TMX3: variants seen among roughly 807,000 people sequenced by gnomAD.
The protein encoded by TMX3 is protein disulfide-isomerase TMX3.
Under a neutral mutation model 64.4 loss-of-function variants are expected in TMX3, and 40 were observed. The ratio of observed to expected loss-of-function variants is 0.62; its 90% CI spans 0.48 to 0.81. The LOEUF is 0.81. Ranked by LOEUF, TMX3 falls within the 30% of genes least tolerant of loss-of-function variation. The pLI is 0.00. For missense variants in TMX3, 497 were observed against 534.5 expected (o/e 0.93, Z 0.69); for synonymous variants, 189 against 175.7 (o/e 1.08, Z -0.60).
intron 15 of TMX3, 70 bp from the exon 16 acceptor site, chr18:68,677,263 TG>T: frequency 1.3e-6 from 2 of 1,490,402 alleles, no homozygotes; most frequent in Non-Finnish European, 9.0e-7. Flanking sequence ...GAAATGAACT[TG>T]AAACCACTAT....
intron 9 of TMX3, among the ~76,000 whole-genome samples, chr18:68,689,489 A>G (rs1914301122): frequency 6.7e-6 from 1 of 149,086 alleles, no homozygotes; most frequent in Admixed American, 6.6e-5. Flanking sequence ...CTGAATTTTG[A>G]TATCATTGAT....
intron 6 of TMX3, among the ~76,000 whole-genome samples, chr18:68,699,965 A>G (rs1915505919): frequency 1.3e-5 from 2 of 152,200 alleles, no homozygotes; most frequent in South Asian, 2.1e-4. Context: ...AGCTGTATCT[A>G]AAATACATTT....
chr18:68,680,535 A>G (rs1913317084), intron 14 of TMX3, among the ~76,000 whole-genome samples: 1 of 152,198 alleles, frequency 6.6e-6, no homozygotes, highest in Admixed American at 6.5e-5. Flanking sequence ...TCATTTCTTG[A>G]GAAATTGTCA....
intron 5 of TMX3, chr18:68,701,062 A>G (rs2030012562): frequency 6.2e-6 from 6 of 961,894 alleles, no homozygotes; most frequent in Non-Finnish European, 2.5e-6. Flanking sequence ...GAATACCTAC[A>G]ATTAAACAGA....
chr18:68,680,582 C>T (rs891949982), intron 14 of TMX3, among the ~76,000 whole-genome samples: 6 of 152,094 alleles, frequency 3.9e-5, no homozygotes, highest in Non-Finnish European at 8.8e-5. Flanking sequence ...CCAATCCTAA[C>T]GACTTAATCC....
At chr18:68,708,038 T>C (rs551678062) in intron 4 of TMX3, among the ~76,000 whole-genome samples, 1 of 126,634 alleles carries the variant, frequency 7.9e-6, no homozygotes, top group Non-Finnish European at 1.5e-5. Flanking sequence ...TATATGTGTA[T>C]ATATGTGTAT....
At chr18:68,685,601 A>C (rs542097183) in intron 10 of TMX3, among the ~76,000 whole-genome samples, 1 of 152,328 alleles carries the variant, frequency 6.6e-6, no homozygotes, top group Admixed American at 6.5e-5. Flanking sequence ...ACAGTTTCTC[A>C]CATTTATTAA....
intron 12 of TMX3, among the ~76,000 whole-genome samples, chr18:68,683,218 C>A (rs1913617062): frequency 6.6e-6 from 1 of 152,040 alleles, no homozygotes; most frequent in Admixed American, 6.5e-5. Context: ...AATTCTAAGA[C>A]ATTTCTACTT....
At chr18:68,705,320 AAAAC>A (rs756630946) in intron 4 of TMX3, among the ~76,000 whole-genome samples, 119 of 152,344 alleles carry the variant, frequency 7.8e-4, no homozygotes, top group Non-Finnish European at 1.4e-3. Flanking sequence ...CTCTGCACCA[AAAAC>A]AAACAAACAA....
At chr18:68,694,255 A>G (rs955711765) in intron 8 of TMX3, among the ~76,000 whole-genome samples, 1 of 152,206 alleles carries the variant, frequency 6.6e-6, no homozygotes, top group African/African-American at 2.4e-5. Context: ...GGGCTCCCCA[A>G]GTCAGGGCTG....
rs1443254856 is a variant in TMX3 at position 68,675,793 on chromosome 18, TAGA to T, written c.*1137_*1139del. Reference sequence around the variant, plus strand: ...TGGAAAGAATTCCTGTATTAGTTTATAGAAGATGAGAGGTCACTTGACGAAATG... The same window carrying T: ...TGGAAAGAATTCCTGTATTAGTTTATAGATGAGAGGTCACTTGACGAAATG... On this transcript the variant is annotated 3_prime_UTR_variant, in exon 16 of 16. Coordinates refer to ENST00000299608, the MANE Select transcript of TMX3 (RefSeq NM_019022.5). The T allele has an allele frequency of 6.6e-6, 1 of 152,180 alleles. No individual in the cohort carries two copies. Among genetic ancestry groups the T allele is most frequent in the African/African-American group, 2.4e-5 (1 of 41,454 alleles). 9.4% of individuals were successfully genotyped at this position (152,180 alleles called of 1,614,324 possible).
chr18:68,709,328 A>T (rs958870976), intron 4 of TMX3, among the ~76,000 whole-genome samples: 1 of 152,132 alleles, frequency 6.6e-6, no homozygotes, highest in African/African-American at 2.4e-5. Context: ...AAATCCTTTA[A>T]AACAGGTGTC....
intron 8 of TMX3, among the ~76,000 whole-genome samples, chr18:68,696,254 A>T (rs910524440): frequency 6.6e-6 from 1 of 151,608 alleles, no homozygotes; most frequent in African/African-American, 2.4e-5. Context: ...GTTTGATGCA[A>T]CCTCTGTCTC....
chr18:68,685,912 A>G (rs550829050), intron 10 of TMX3, among the ~76,000 whole-genome samples: 1 of 152,268 alleles, frequency 6.6e-6, no homozygotes, highest in African/African-American at 2.4e-5. Flanking sequence ...AGAAAAAAGT[A>G]TGTAAAAACG....
chr18:68,695,322 T>C (rs1348712207), intron 8 of TMX3, among the ~76,000 whole-genome samples: 1 of 152,216 alleles, frequency 6.6e-6, no homozygotes, highest in African/African-American at 2.4e-5. Flanking sequence ...CTTCTCACTT[T>C]CCTTTGCTGA....
intron 15 of TMX3, 30 bp from the exon 16 acceptor site, chr18:68,677,223 C>CTTCACATGTAA: frequency 1.3e-6 from 2 of 1,596,604 alleles, no homozygotes; most frequent in South Asian, 2.3e-5. Context: ...ACTCAGTTCC[C>CTTCACATGTAA]TTCACATGTA....
At chr18:68,707,745 T>C (rs572263724) in intron 4 of TMX3, among the ~76,000 whole-genome samples, 5 of 152,188 alleles carry the variant, frequency 3.3e-5, no homozygotes, top group Non-Finnish European at 5.9e-5. Flanking sequence ...TCTCCCTTTA[T>C]TATGTTGTAA....
At position 68,677,023 on chromosome 18, in the gene TMX3, CTCT is replaced by C. The variant is rs1349702296; in HGVS notation, c.1272_1274del (p.Glu425del). 2 of 1,613,684 alleles carry C rather than the reference CTCT, an allele frequency of 1.2e-6. No homozygotes were observed. Among genetic ancestry groups the C allele is most frequent in the Non-Finnish European group, 1.7e-6 (2 of 1,179,824 alleles). On this transcript the variant is annotated inframe_deletion, in exon 16 of 16. Coordinates refer to ENST00000299608, the MANE Select transcript of TMX3 (RefSeq NM_019022.5). ...TGCTGGGCTCCTGCTGTTCTTTGCT[CTCT>C]TCTATCTGTTCTTGGTTTTCATTTT... is the stretch of plus-strand genomic sequence containing the variant.
Position 68,684,252 on chromosome 18 carries a change from GAACA to G in TMX3, c.795-13_795-10del. The G allele has an allele frequency of 6.2e-7, 1 of 1,608,516 alleles. No homozygotes were observed. The highest frequency in any genetic ancestry group is 8.5e-7 in the Non-Finnish European group (1 of 1,175,894). On this transcript the variant is annotated splice_polypyrimidine_tract_variant and intron_variant, in intron 11 of 15. Coordinates refer to ENST00000299608, the MANE Select transcript of TMX3 (RefSeq NM_019022.5). ...GAATAATTGACTTCAATCTGTAGAA[GAACA>G]AACATATGAATAGTTCATCTCTGCA...
Sources: gnomAD v4.1 joint callset for allele counts (sites outside exome capture counted in the v4.1 genomes callset) on GRCh38, gnomAD v4.1.1 for gene constraint, MANE v1.5 for transcripts, NCBI Gene and HGNC (gene_info 2026-07-23, HGNC 2026-07-21) for gene names.